Variants in AMPD3 observed in about 807,000 individuals in gnomAD.
The protein encoded by AMPD3 is AMP deaminase 3.
In AMPD3, 57 loss-of-function variants were observed where a neutral mutation model predicts 82.3. That is an observed-to-expected ratio of 0.69 (90% confidence interval 0.56 to 0.86). AMPD3 has a LOEUF of 0.86. Ranked by LOEUF, AMPD3 falls within the 40% of genes least tolerant of loss-of-function variation. AMPD3 has a pLI of 0.00. For synonymous variants in AMPD3, 381 were observed against 394.7 expected, an observed-to-expected ratio of 0.97 and a Z score of 0.41; for missense variants, 870 against 1,003.8, an observed-to-expected ratio of 0.87 and a Z score of 1.80.
chr11:10,461,526 C>T lies in AMPD3; in HGVS notation c.7C>T (p.Arg3Trp), dbSNP rs148904594. 2.1e-5 allele frequency: 34 copies of T among 1,614,082 alleles called. No homozygotes were observed. Among genetic ancestry groups the T allele is most frequent in the Admixed American group, 6.7e-5 (4 of 60,008 alleles). The change falls in exon 2 of 15, where the codon CGG becomes TGG. Residue 3 changes from arginine to tryptophan, a missense_variant. Arg to Trp is a moderately radical substitution (Grantham distance 101, BLOSUM62 -3). Coordinates refer to ENST00000396553, the MANE Select transcript of AMPD3 (RefSeq NM_001025389.2). Reference protein sequence around the residue: MPRQFPKLNISEV... With the variant: MPWQFPKLNISEV... ...TCTTTCTTTGCTAGCTGAGATGCCG[C>T]GGCAGTTTCCCAAGCTGAACATCTC...
intron 6 of AMPD3, among the ~76,000 whole-genome samples, chr11:10,492,013 A>G (rs148282606): frequency 9.7e-4 from 147 of 152,322 alleles, no homozygotes; most frequent in Non-Finnish European, 1.9e-3. Flanking sequence ...AGGACCAGGC[A>G]TCAAGAAATT....
intron 2 of AMPD3, chr11:10,477,917 T>C (rs1848786999): frequency 2.0e-6 from 2 of 985,418 alleles, no homozygotes; most frequent in East Asian, 2.3e-4. Context: ...GCCTGTAAGC[T>C]TGGATGGCGG....
chr11:10,450,777 C>A (rs1847939522), upstream of AMPD3: 1 of 1,165,874 alleles, frequency 8.6e-7, no homozygotes, highest in Non-Finnish European at 1.1e-6. Context: ...AGGGCACCGA[C>A]GGGGGCTGCA....
upstream of AMPD3, among the ~76,000 whole-genome samples, chr11:10,453,601 T>C (rs1269226193): frequency 6.6e-6 from 1 of 151,850 alleles, no homozygotes; most frequent in Non-Finnish European, 1.5e-5. Flanking sequence ...TTTTTTTTTC[T>C]TGAGATAAAG....
chr11:10,504,806 C>A (rs1453361383), intron 14 of AMPD3, 147 bp downstream of exon 14: 8 of 805,200 alleles, frequency 9.9e-6, no homozygotes, highest in Admixed American at 2.0e-5. Context: ...GACGCGGCAG[C>A]CTCCTGTGTT....
Position 10,507,141 on chromosome 11 carries a change from G to A in AMPD3, c.*1257G>A, listed in dbSNP as rs1849732079. ...TGAATAACTAAGTGAATTTCTTTTG[G>A]CAACTTTTTAAGGACATGTGCTCTT... On this transcript the variant is annotated 3_prime_UTR_variant, in exon 15 of 15. Transcript: ENST00000396553. The A allele has an allele frequency of 6.6e-6, 1 of 152,432 alleles. No individual in the cohort carries two copies. Among genetic ancestry groups the A allele is most frequent in the African/African-American group, 2.4e-5 (1 of 41,388 alleles). 9.4% of individuals were successfully genotyped at this position (152,432 alleles called of 1,614,324 possible). A position where few individuals can be genotyped will look rare whatever the true frequency, so the allele number is the denominator to read the frequency against.
At chr11:10,499,958 C>T in intron 10 of AMPD3, 128 bp from the exon 11 acceptor site, 5 of 1,530,018 alleles carry the variant, frequency 3.3e-6, no homozygotes, top group East Asian at 2.4e-5. Flanking sequence ...CCAAGGGGTC[C>T]CCAGCTGAGG....
At chr11:10,497,664 T>C (rs1228601936) in intron 10 of AMPD3, 1 of 985,336 alleles carries the variant, frequency 1.0e-6, no homozygotes, top group Non-Finnish European at 1.2e-6. Flanking sequence ...ATCAAATTTA[T>C]GTTTTAGACA....
At chr11:10,493,264 C>A in intron 6 of AMPD3, 85 bp from the exon 7 acceptor site, 1 of 1,503,352 alleles carries the variant, frequency 6.7e-7, no homozygotes, top group Non-Finnish European at 9.2e-7. Context: ...TGCTGGGGTT[C>A]TGTGCACATT....
At chr11:10,467,713 C>T (rs955129171) in intron 2 of AMPD3, among the ~76,000 whole-genome samples, 8 of 152,090 alleles carry the variant, frequency 5.3e-5, no homozygotes, top group East Asian at 1.9e-4. Flanking sequence ...GACACATAAT[C>T]GTCAGATGCC....
At chr11:10,503,025 G>A (rs1350129409) in intron 13 of AMPD3, 131 bp downstream of exon 13, 5 of 1,059,908 alleles carry the variant, frequency 4.7e-6, no homozygotes, top group Non-Finnish European at 5.6e-6. Context: ...GTGAAGGCAG[G>A]AAGGAAGCCA....
intron 6 of AMPD3, among the ~76,000 whole-genome samples, chr11:10,489,240 G>A (rs1014472866): frequency 1.3e-5 from 2 of 152,142 alleles, no homozygotes; most frequent in African/African-American, 2.4e-5. Flanking sequence ...AACTTCACAC[G>A]CCTAGCACAT....
At chr11:10,497,733 G>T (rs998004769) in intron 10 of AMPD3, 5 of 985,206 alleles carry the variant, frequency 5.1e-6, no homozygotes, top group South Asian at 4.7e-5. Flanking sequence ...GGAGGTGGGG[G>T]CAGGGGTGAG....
chr11:10,454,732 C>T (rs1213831188), upstream of AMPD3, among the ~76,000 whole-genome samples: 1 of 152,216 alleles, frequency 6.6e-6, no homozygotes, highest in Non-Finnish European at 1.5e-5. Context: ...AATCCTCCCA[C>T]TGCAGTCCCC....
intron 12 of AMPD3, 142 bp downstream of exon 12, chr11:10,501,732 G>T: frequency 6.8e-7 from 1 of 1,479,280 alleles, no homozygotes. Context: ...TTTTAATTAT[G>T]AAAGTAATAT....
At chr11:10,490,996 G>A (rs1272737461) in intron 6 of AMPD3, among the ~76,000 whole-genome samples, 1 of 152,192 alleles carries the variant, frequency 6.6e-6, no homozygotes, top group Non-Finnish European at 1.5e-5. Flanking sequence ...TGTGGCTAAC[G>A]ACATGGGCTG....
At chr11:10,473,225 G>A (rs1274888999) in intron 2 of AMPD3, among the ~76,000 whole-genome samples, 2 of 152,104 alleles carry the variant, frequency 1.3e-5, no homozygotes, top group Non-Finnish European at 2.9e-5. Context: ...AGCTGAGATC[G>A]TACCCCTCCA....
chr11:10,476,821 G>T, intron 2 of AMPD3: 1 of 713,656 alleles, frequency 1.4e-6, no homozygotes, highest in Non-Finnish European at 1.7e-6. Flanking sequence ...GGGGCAGGAT[G>T]CTTGGCTGAG....
In AMPD3 at chr11:10,456,222, T is replaced by C. The variant is rs1018254826; in HGVS notation, c.-6+774T>C. On this transcript the variant is annotated intron_variant, in intron 1 of 14. Coordinates refer to ENST00000396553, the MANE Select transcript of AMPD3 (RefSeq NM_001025389.2). The surrounding 1 kb of genome is among the most constrained non-coding windows in gnomAD (Gnocchi z 4.3). ...AATTTCCAGCCCAGGCTTTTCCTGC[T>C]CTGGCTCACTGCTGCTCACAGATAT... The C allele has an allele frequency of 6.8e-7, 1 of 1,469,544 alleles. No individual in the cohort carries two copies. The highest frequency in any genetic ancestry group is 9.0e-7 in the Non-Finnish European group (1 of 1,111,946). The allele number at this position is 1,469,544 out of a possible 1,614,324, so 91.0% of individuals were successfully genotyped here.
Sources: allele counts gnomAD v4.1 joint callset (sites outside exome capture counted in the v4.1 genomes callset), GRCh38; gene constraint gnomAD v4.1.1; non-coding constraint Gnocchi (gnomAD v3.1); transcripts MANE v1.5; gene names NCBI Gene and HGNC (gene_info 2026-07-23, HGNC 2026-07-21).